CEP112: variants seen among roughly 807,000 people sequenced by gnomAD.
The protein encoded by CEP112 is centrosomal protein 112.
CEP112 carries 127 observed loss-of-function variants against 153.0 expected under a neutral mutation model. The ratio of observed to expected loss-of-function variants is 0.83; its 90% CI spans 0.72 to 0.96. The LOEUF (loss-of-function observed/expected upper bound fraction) is 0.96. CEP112 is among the 40% of genes least tolerant of loss of function. The probability of loss-of-function intolerance (pLI) is 0.00; values close to 1 mark genes in which losing one functional copy is unlikely to be tolerated. For missense variants in CEP112, 1,089 were observed against 1,101.2 expected (o/e 0.99, Z 0.16); for synonymous variants, 358 against 374.4 (o/e 0.96, Z 0.51).
chr17:66,120,792 C>T (rs891392668), intron 6 of CEP112, among the ~76,000 whole-genome samples: 1 of 152,300 alleles, frequency 6.6e-6, no homozygotes, highest in East Asian at 1.9e-4. Flanking sequence ...CCATTCATCA[C>T]TTAAAAATCC....
At chr17:65,787,032 T>A (rs1287907733) in intron 21 of CEP112, among the ~76,000 whole-genome samples, 1 of 152,244 alleles carries the variant, frequency 6.6e-6, no homozygotes, top group Non-Finnish European at 1.5e-5. Flanking sequence ...TATATGGCTT[T>A]ATGTGCTCTC....
intron 23 of CEP112, among the ~76,000 whole-genome samples, chr17:65,714,138 C>T (rs200619432): frequency 1.3e-5 from 2 of 152,082 alleles, no homozygotes; most frequent in African/African-American, 2.4e-5. Flanking sequence ...GAGAATGTAT[C>T]CCTTTGAGCT....
chr17:66,136,714 C>A (rs116868474), intron 4 of CEP112, among the ~76,000 whole-genome samples: 5,186 of 152,138 alleles, frequency 0.034, 131 homozygotes, highest in Middle Eastern at 0.061. Flanking sequence ...GCTACTAGCT[C>A]CAGAAGGCCC....
chr17:66,021,869 T>G (rs1013300448), intron 16 of CEP112, among the ~76,000 whole-genome samples: 3 of 152,160 alleles, frequency 2.0e-5, no homozygotes, highest in East Asian at 3.8e-4. Context: ...AATGAAGTAC[T>G]TCTCATGGTT....
chr17:65,640,212 G>A (rs375043829), intron 25 of CEP112, among the ~76,000 whole-genome samples: 2 of 140,392 alleles, frequency 1.4e-5, no homozygotes, highest in East Asian at 4.3e-4. Context: ...GGAGTGCAGT[G>A]GTGTGATCTC....
intron 20 of CEP112, among the ~76,000 whole-genome samples, chr17:65,884,407 C>T (rs778075934): frequency 2.0e-5 from 3 of 152,166 alleles, no homozygotes; most frequent in Non-Finnish European, 4.4e-5. Flanking sequence ...ACAGAGTGAA[C>T]AGAATTATAC....
At chr17:66,154,780 T>C (rs1036245960) in intron 4 of CEP112, among the ~76,000 whole-genome samples, 9 of 152,230 alleles carry the variant, frequency 5.9e-5, no homozygotes, top group African/African-American at 1.9e-4. Context: ...AAAACTATAT[T>C]AAAATTAATA....
chr17:65,664,518 C>A (rs971733444), intron 24 of CEP112, among the ~76,000 whole-genome samples: 2 of 152,138 alleles, frequency 1.3e-5, no homozygotes, highest in South Asian at 4.1e-4. Context: ...TAGGAAGAGA[C>A]CATTTTGTCC....
intron 16 of CEP112, among the ~76,000 whole-genome samples, chr17:66,018,879 C>A (rs960787649): frequency 1.3e-5 from 2 of 152,134 alleles, no homozygotes; most frequent in Admixed American, 1.3e-4. Context: ...GTAAACAGCA[C>A]CATCTTTTAC....
intron 18 of CEP112, among the ~76,000 whole-genome samples, chr17:65,956,801 A>C (rs1316216646): frequency 4.6e-5 from 7 of 152,132 alleles, no homozygotes; most frequent in Non-Finnish European, 7.4e-5. Flanking sequence ...AAATTTAAAA[A>C]TATATACATA....
intron 17 of CEP112, among the ~76,000 whole-genome samples, chr17:65,970,176 T>G (rs1421347058): frequency 1.3e-5 from 2 of 152,150 alleles, no homozygotes; most frequent in Admixed American, 1.3e-4. Flanking sequence ...CATATTACAT[T>G]TGTATTACAT....
At chr17:66,011,150 T>C (rs1175983595) in intron 16 of CEP112, among the ~76,000 whole-genome samples, 2 of 152,152 alleles carry the variant, frequency 1.3e-5, no homozygotes, top group African/African-American at 4.8e-5. Context: ...ATTATTGGTT[T>C]GTTCAGGGAT....
intron 25 of CEP112, among the ~76,000 whole-genome samples, chr17:65,639,722 T>C (rs1037819406): frequency 3.3e-5 from 5 of 150,924 alleles, no homozygotes; most frequent in African/African-American, 1.2e-4. Context: ...ATTGGAGATG[T>C]GAATATGTAA....
intron 20 of CEP112, 118 bp downstream of exon 20, chr17:65,902,034 T>A: frequency 6.9e-6 from 3 of 434,868 alleles, no homozygotes; most frequent in Non-Finnish European, 1.2e-5. Flanking sequence ...ATCACATTTA[T>A]ATGTCAGTTT....
At chr17:65,690,237 C>A (rs774114153) in intron 23 of CEP112, among the ~76,000 whole-genome samples, 4 of 150,958 alleles carry the variant, frequency 2.6e-5, no homozygotes, top group African/African-American at 9.8e-5. Flanking sequence ...TCAGCCTGGG[C>A]AACATAGCAA....
chr17:66,180,518 T>G (rs956140736), intron 2 of CEP112, among the ~76,000 whole-genome samples: 3 of 152,302 alleles, frequency 2.0e-5, no homozygotes, highest in South Asian at 4.1e-4. Context: ...CTTGAATGTT[T>G]TATTTATGAA....
intron 16 of CEP112, among the ~76,000 whole-genome samples, chr17:66,024,111 C>G (rs1338078296): frequency 6.6e-6 from 1 of 152,060 alleles, no homozygotes; most frequent in Admixed American, 6.6e-5. Flanking sequence ...TTTGTTAAAA[C>G]TGACCGCACC....
intron 21 of CEP112, among the ~76,000 whole-genome samples, chr17:65,840,514 T>G (rs1192145244): frequency 1.3e-5 from 2 of 152,092 alleles, no homozygotes; most frequent in East Asian, 3.8e-4. Flanking sequence ...CAACATGGAT[T>G]GAAGACTTAA....
chr17:65,804,233 T>C (rs530829881), intron 21 of CEP112, among the ~76,000 whole-genome samples: 38 of 152,298 alleles, frequency 2.5e-4, no homozygotes, highest in African/African-American at 8.4e-4. Context: ...GCTTTGTATT[T>C]TGATTCACAA....
Sources: allele counts gnomAD v4.1 joint callset (sites outside exome capture counted in the v4.1 genomes callset), GRCh38; gene constraint gnomAD v4.1.1; transcripts MANE v1.5; gene names NCBI Gene and HGNC (gene_info 2026-07-23, HGNC 2026-07-21).